The following TMEM131 variants were observed in gnomAD, a reference collection of about 807,000 sequenced individuals.
The protein encoded by TMEM131 is transmembrane protein 131, also known as 2610524E03Rik.
In TMEM131, 66 loss-of-function variants were observed where a neutral mutation model predicts 211.6. The observed-to-expected ratio is 0.31, with a 90% CI of 0.26 to 0.38. The LOEUF is 0.38. TMEM131 is among the 10% of genes least tolerant of loss of function. The probability of loss-of-function intolerance (pLI) is 1.00; values close to 1 mark genes in which losing one functional copy is unlikely to be tolerated. For synonymous variants in TMEM131, 844 were observed against 841.3 expected (o/e 1.00, Z -0.06); for missense variants, 2,036 against 2,299.3 (o/e 0.89, Z 2.34).
chr2:97,924,284 G>C (rs1401866394), intron 2 of TMEM131, among the ~76,000 whole-genome samples: 1 of 152,232 alleles, frequency 6.6e-6, no homozygotes, highest in Admixed American at 6.5e-5. Flanking sequence ...TCTGGAGTCT[G>C]AGGCGAGAGG....
intron 32 of TMEM131, among the ~76,000 whole-genome samples, chr2:97,774,377 CA>C (rs1679614200): frequency 6.6e-6 from 1 of 152,222 alleles, no homozygotes; most frequent in Non-Finnish European, 1.5e-5. Flanking sequence ...AATGACCTAT[CA>C]AAGTTGTGAT....
chr2:97,780,536 T>G (rs1679946308), intron 31 of TMEM131, among the ~76,000 whole-genome samples: 1 of 152,226 alleles, frequency 6.6e-6, no homozygotes, highest in Non-Finnish European at 1.5e-5. Context: ...TCACTCATTT[T>G]CTACAGGATA....
Position 97,812,625 on chromosome 2 carries a change from A to C in TMEM131, c.1728+14T>G, listed in dbSNP as rs1169336201. 1 of 1,583,130 alleles carries C rather than the reference A, an allele frequency of 6.3e-7. No homozygotes were observed. The highest frequency in any genetic ancestry group is 8.6e-7 in the Non-Finnish European group (1 of 1,167,920). ...AATCCTTAAATGTGATTTAGAATAAAAACAGGTTTTTACCTCAATTGGATT... is the reference window on the plus strand; with the variant it reads ...AATCCTTAAATGTGATTTAGAATAACAACAGGTTTTTACCTCAATTGGATT... On this transcript the variant is annotated intron_variant, in intron 16 of 40. Coordinates refer to ENST00000186436, the MANE Select transcript of TMEM131 (RefSeq NM_015348.2).
intron 31 of TMEM131, among the ~76,000 whole-genome samples, chr2:97,791,680 C>T (rs894997400): frequency 6.6e-6 from 1 of 152,224 alleles, no homozygotes. Flanking sequence ...CTAAGCTGTA[C>T]TCATGTCCCT....
At chr2:97,952,663 G>A (rs1214638401) in intron 1 of TMEM131, among the ~76,000 whole-genome samples, 1 of 152,170 alleles carries the variant, frequency 6.6e-6, no homozygotes, top group African/African-American at 2.4e-5. Context: ...GGCCACTTGA[G>A]CCCAGGAGCT....
intron 17 of TMEM131, 37 bp downstream of exon 17, chr2:97,812,384 C>T: frequency 6.4e-7 from 1 of 1,574,304 alleles, no homozygotes; most frequent in Middle Eastern, 1.7e-4. Context: ...TTTAGACATC[C>T]ATCTTACTTT....
chr2:97,785,299 T>G (rs933486652), intron 31 of TMEM131, among the ~76,000 whole-genome samples: 1 of 152,170 alleles, frequency 6.6e-6, no homozygotes, highest in African/African-American at 2.4e-5. Context: ...AATGTGTAAA[T>G]GACTCTCAAA....
chr2:97,868,519 CTAG>C (rs1052713960), intron 4 of TMEM131, among the ~76,000 whole-genome samples: 7 of 151,940 alleles, frequency 4.6e-5, no homozygotes, highest in Admixed American at 4.6e-4. Flanking sequence ...TTTTTACTAA[CTAG>C]GAAAGCCGTG....
chr2:97,993,202 A>G (rs1399228661), intron 1 of TMEM131, among the ~76,000 whole-genome samples: 1 of 152,346 alleles, frequency 6.6e-6, no homozygotes, highest in South Asian at 2.1e-4. Flanking sequence ...TCATCATTAA[A>G]ACTGCAGGTA....
At chr2:97,963,322 A>ATTTTTT (rs1678903645) in intron 1 of TMEM131, among the ~76,000 whole-genome samples, 1 of 152,158 alleles carries the variant, frequency 6.6e-6, no homozygotes, top group Non-Finnish European at 1.5e-5. Context: ...TCTTTTATTA[A>ATTTTTT]TTTCTTGTAT....
At chr2:97,984,866 T>C (rs114612654) in intron 1 of TMEM131, among the ~76,000 whole-genome samples, 2,370 of 152,168 alleles carry the variant, frequency 0.016, 68 homozygotes, top group African/African-American at 0.054. Flanking sequence ...AATGTGGAAG[T>C]GTGTGAGTAT....
At chr2:97,928,685 T>C (rs1395480531) in intron 1 of TMEM131, among the ~76,000 whole-genome samples, 1 of 151,778 alleles carries the variant, frequency 6.6e-6, no homozygotes. Flanking sequence ...TAGTTAATAA[T>C]GCTTTTTCCC....
At chr2:97,802,297 C>G in intron 24 of TMEM131, 131 bp downstream of exon 24, 1 of 761,492 alleles carries the variant, frequency 1.3e-6, no homozygotes, top group Non-Finnish European at 2.0e-6. Context: ...AACCTTCTCT[C>G]AACCTTATAG....
At position 97,834,741 on chromosome 2, in the gene TMEM131, A is replaced by C. The variant is rs1459716740; in HGVS notation, c.955+34T>G. The C allele has an allele frequency of 2.5e-6, 4 of 1,608,414 alleles. No homozygotes were observed. In the African/African-American group the frequency reaches 4.0e-5, roughly 16 times the overall value. ...GCCAGAGTAAGCTATACTGAAAACA[A>C]AACAACTTTCGATTTCATCAGTTTT... On this transcript the variant is annotated intron_variant, in intron 9 of 40. Coordinates refer to ENST00000186436, the MANE Select transcript of TMEM131 (RefSeq NM_015348.2).
Position 97,926,003 on chromosome 2 carries a change from T to C in TMEM131, c.249+1423A>G, listed in dbSNP as rs184029606. ...GGCAGGCGCCAGTAGTCCCAGCTAC[T>C]TGGGAGGCCTAGGCAGGAGAATGGT... On this transcript the variant is annotated intron_variant, in intron 2 of 40. Coordinates refer to ENST00000186436, the MANE Select transcript of TMEM131 (RefSeq NM_015348.2). Among the ~76,000 whole-genome samples, 18 of 151,880 alleles carry C rather than the reference T, an allele frequency of 1.2e-4. No individual in the cohort carries two copies. In the East Asian group the frequency reaches 3.3e-3, roughly 28 times the overall value.
intron 1 of TMEM131, among the ~76,000 whole-genome samples, chr2:97,947,247 G>GA (rs201292260): frequency 2.0e-5 from 3 of 149,758 alleles, no homozygotes; most frequent in Non-Finnish European, 3.0e-5. Context: ...AAAACGCAAA[G>GA]AAAAAAAAAG....
At chr2:97,880,297 T>G (rs1015487824) in intron 4 of TMEM131, among the ~76,000 whole-genome samples, 2 of 152,116 alleles carry the variant, frequency 1.3e-5, no homozygotes, top group Non-Finnish European at 2.9e-5. Flanking sequence ...GCATTTATCC[T>G]GAAGGCAAAT....
intron 11 of TMEM131, among the ~76,000 whole-genome samples, chr2:97,822,625 C>T (rs563913897): frequency 1.2e-4 from 18 of 152,162 alleles, no homozygotes; most frequent in African/African-American, 1.7e-4. Flanking sequence ...TGCAGGTTTT[C>T]GAGAATGTGT....
chr2:97,833,450 T>C (rs770077097), intron 10 of TMEM131, 24 bp from the exon 11 acceptor site: 57 of 1,156,838 alleles, frequency 4.9e-5, no homozygotes, highest in Non-Finnish European at 7.0e-5. Context: ...GGAAAAGAAA[T>C]ATTTCTTAAA....
Sources: gnomAD v4.1 joint callset for allele counts (sites outside exome capture counted in the v4.1 genomes callset) on GRCh38, gnomAD v4.1.1 for gene constraint, MANE v1.5 for transcripts, NCBI Gene and HGNC (gene_info 2026-07-23, HGNC 2026-07-21) for gene names.